The following SPAG17 variants were observed in gnomAD, a reference collection of about 807,000 sequenced individuals.
The protein encoded by SPAG17 is sperm associated antigen 17, also known as sperm-associated antigen 17.
Under a neutral mutation model 273.6 loss-of-function variants are expected in SPAG17, and 169 were observed. That is an observed-to-expected ratio of 0.62 (90% confidence interval 0.55 to 0.70). SPAG17 has a LOEUF of 0.70. SPAG17 is among the 30% of genes least tolerant of loss of function. The pLI, the probability that SPAG17 is intolerant of heterozygous loss-of-function variation, is 0.00. For missense variants in SPAG17, 2,557 were observed against 2,627.8 expected (o/e 0.97, Z 0.59); for synonymous variants, 825 against 873.2 (o/e 0.94, Z 0.97).
chr1:118,146,935 C>T (rs1048716132), intron 3 of SPAG17, among the ~76,000 whole-genome samples: 3 of 151,992 alleles, frequency 2.0e-5, no homozygotes, highest in Non-Finnish European at 4.4e-5. Flanking sequence ...GCAATGTTTC[C>T]ACAAAAATGT....
rs745503573 is a variant in SPAG17 at position 118,101,874 on chromosome 1, G to A, written c.500C>T (p.Pro167Leu). 1.9e-6 allele frequency: 3 copies of A among 1,613,732 alleles called. No homozygotes were observed. In the East Asian group the frequency reaches 6.7e-5, roughly 36 times the overall value. The stretch of plus-strand genomic sequence containing the variant: ...GGCACTTGGAGCCTTTTTCTCCTTG[G>A]GAGATTTTGCTTTCCCTTTATCCTT... ...LEKDKGKAKS[P>L]KEKKAPSAKP... Residue 167 changes from proline (P) to leucine (L), a missense_variant, in exon 5 of 49, where the codon CCC becomes CTC. Pro to Leu is a moderately conservative substitution (Grantham distance 98). Transcript: ENST00000336338.
In SPAG17 at chr1:118,041,940, C is replaced by T. The variant is rs1649811504; in HGVS notation, c.2917G>A (p.Asp973Asn). 2 of 1,613,950 alleles carry T rather than the reference C, an allele frequency of 1.2e-6. No homozygotes were observed. The highest frequency in any genetic ancestry group is 1.7e-6 in the Non-Finnish European group (2 of 1,179,924). ...GKEAGKKKGKDNAEKEDSRSL... is the reference protein window; with the variant it reads ...GKEAGKKKGKNNAEKEDSRSL... ...CTACTATCCTCTTTCTCTGCGTTAT[C>T]CTTGCCTTTCTTTTTACCAGCTTCT... The change falls in exon 21 of 49, where the codon GAT (aspartate) becomes AAT (asparagine). Residue 973 changes from aspartate (D) to asparagine (N), a missense_variant. By Grantham distance (23) the Asp-to-Asn change is conservative. Coordinates refer to ENST00000336338, the MANE Select transcript of SPAG17 (RefSeq NM_206996.4).
chr1:118,127,663 T>C (rs1021535854), intron 3 of SPAG17, among the ~76,000 whole-genome samples: 4 of 152,226 alleles, frequency 2.6e-5, no homozygotes, highest in Non-Finnish European at 5.9e-5. Flanking sequence ...TTGGTAGAGA[T>C]TGCATTGAAT....
intron 20 of SPAG17, among the ~76,000 whole-genome samples, chr1:118,043,028 A>T (rs990722404): frequency 6.6e-6 from 1 of 152,252 alleles, no homozygotes; most frequent in African/African-American, 2.4e-5. Flanking sequence ...TTTGAGTAAG[A>T]AACAAACTGT....
In SPAG17 at chr1:118,042,385, C is replaced by T. The variant is rs1220015584; in HGVS notation, c.2815-343G>A. ...CAGTCTCCTATCCTCCACATGAGTC[C>T]GATCTTTAATTTAGGTCCTAAAGAT... On this transcript the variant is annotated intron_variant, in intron 20 of 48. Coordinates refer to ENST00000336338, the MANE Select transcript of SPAG17 (RefSeq NM_206996.4). Among the ~76,000 whole-genome samples, 7 of 152,084 alleles carry T rather than the reference C, an allele frequency of 4.6e-5. No individual in the cohort carries two copies. The East Asian group carries it at 5.8e-4, about 13-fold the overall frequency.
intron 3 of SPAG17, among the ~76,000 whole-genome samples, chr1:118,136,786 A>AGTGT (rs1189168115): frequency 4.0e-5 from 5 of 126,462 alleles, no homozygotes; most frequent in African/African-American, 1.5e-4. Flanking sequence ...AAAGGGGTAA[A>AGTGT]GTGTGTGTGT....
At chr1:118,066,583 A>G (rs10923486) in intron 18 of SPAG17, among the ~76,000 whole-genome samples, 162 bp downstream of exon 18, 9,631 of 152,288 alleles carry the variant, frequency 0.063, 523 homozygotes, top group East Asian at 0.31. Context: ...ACATGCTGAC[A>G]TTCAATTTAG....
intron 3 of SPAG17, among the ~76,000 whole-genome samples, chr1:118,116,437 C>G (rs1029412305): frequency 1.3e-5 from 2 of 152,056 alleles, no homozygotes; most frequent in South Asian, 2.1e-4. Flanking sequence ...TTTTCTCCCC[C>G]CTTGGAGTAA....
At chr1:118,065,298 T>C (rs994183180) in intron 18 of SPAG17, among the ~76,000 whole-genome samples, 9 of 152,134 alleles carry the variant, frequency 5.9e-5, no homozygotes, top group African/African-American at 1.2e-4. Flanking sequence ...ATAACCATGA[T>C]AGAAGTCGTG....
Position 118,005,438 on chromosome 1 carries a change from C to A in SPAG17, c.4752G>T (p.Leu1584=). 1 of 1,609,788 alleles carries A rather than the reference C, an allele frequency of 6.2e-7. No homozygotes were observed. The highest frequency in any genetic ancestry group is 1.1e-5 in the South Asian group (1 of 89,532). Residue 1584 remains leucine (L), a synonymous_variant, in exon 32 of 49, where the codon CTG becomes CTT. Transcript: ENST00000336338. ...RHTSEVICEV[L]DPEGNTFQVM... is the part of the protein sequence containing the mutation. ...CCTGAAAAGTGTTTCCCTCAGGATC[C>A]AGAACCTCACAGATAACCTCTGAAG...
At position 118,005,582 on chromosome 1, in the gene SPAG17, G is replaced by T. The variant is rs778896846; in HGVS notation, c.4608C>A (p.Gly1536=). 1.0e-5 allele frequency: 16 copies of T among 1,536,840 alleles called. No individual in the cohort carries two copies. The highest frequency in any genetic ancestry group is 1.4e-5 in the African/African-American group (1 of 71,954). ...GTYQVLPPNT[G]SLYIDKDCSA... is the part of the protein sequence containing the mutation. The stretch of plus-strand genomic sequence containing the variant: ...AACAATCCTTGTCAATATAAAGAGA[G>T]CCTGTGTTTGGAGGTAACACCTGAA... The change falls in exon 32 of 49, where the codon GGC becomes GGA. Residue 1536 remains glycine (G), a synonymous_variant. Transcript: ENST00000336338.
chr1:118,051,003 G>C (rs909045077), intron 20 of SPAG17, among the ~76,000 whole-genome samples: 1 of 152,116 alleles, frequency 6.6e-6, no homozygotes, highest in African/African-American at 2.4e-5. Flanking sequence ...CTGATAAGGA[G>C]TTAATATCTA....
In SPAG17 at chr1:118,005,434, G is replaced by T. The variant is rs746005609; in HGVS notation, c.4756C>A (p.Pro1586Thr). 3.7e-6 allele frequency: 6 copies of T among 1,606,930 alleles called. No homozygotes were observed. The East Asian group carries it at 1.3e-4, about 36-fold the overall frequency. Residue 1586 changes from proline (P) to threonine (T), a missense_variant, in exon 32 of 49, where the codon CCT (proline) becomes ACT (threonine). Pro to Thr is a conservative substitution (Grantham distance 38). Transcript: ENST00000336338. The stretch of plus-strand genomic sequence containing the variant: ...TTTACCTGAAAAGTGTTTCCCTCAG[G>T]ATCCAGAACCTCACAGATAACCTCT... ...TSEVICEVLD[P>T]EGNTFQVMAD...
At chr1:117,984,835 G>A in intron 40 of SPAG17, 53 bp from the exon 41 acceptor site, 3 of 1,205,496 alleles carry the variant, frequency 2.5e-6, no homozygotes, top group Non-Finnish European at 3.7e-6. Context: ...ATTTTAAAGT[G>A]TTGTTTGTTT....
chr1:118,147,348 A>C (rs1055672395), intron 3 of SPAG17, among the ~76,000 whole-genome samples: 4 of 152,198 alleles, frequency 2.6e-5, no homozygotes, highest in Non-Finnish European at 5.9e-5. Flanking sequence ...CCATATCCTC[A>C]AGTAGGATTC....
chr1:118,073,350 AG>A (rs1285096051), intron 17 of SPAG17, among the ~76,000 whole-genome samples: 1 of 152,142 alleles, frequency 6.6e-6, no homozygotes, highest in Non-Finnish European at 1.5e-5. Context: ...TCTACTTCAC[AG>A]GGTTATTGTG....
At chr1:117,987,692 C>G in intron 40 of SPAG17, 142 bp downstream of exon 40, 1 of 773,948 alleles carries the variant, frequency 1.3e-6, no homozygotes, top group Non-Finnish European at 2.1e-6. Context: ...TCACACAGAG[C>G]TGAATGACCA....
intron 5 of SPAG17, among the ~76,000 whole-genome samples, chr1:118,100,015 C>T: frequency 6.6e-6 from 1 of 152,134 alleles, no homozygotes; most frequent in East Asian, 1.9e-4. Context: ...TATTAAATCA[C>T]TTTTGCAAAT....
chr1:118,155,589 T>C (rs1041998415), intron 1 of SPAG17, among the ~76,000 whole-genome samples: 1 of 152,182 alleles, frequency 6.6e-6, no homozygotes, highest in Admixed American at 6.5e-5. Context: ...CACAGTCCTA[T>C]ACCCAGAACT....
Sources: gnomAD v4.1 joint callset for allele counts (sites outside exome capture counted in the v4.1 genomes callset) on GRCh38, gnomAD v4.1.1 for gene constraint, MANE v1.5 for transcripts, NCBI Gene and HGNC (gene_info 2026-07-23, HGNC 2026-07-21) for gene names.